XKR6: variants seen among roughly 807,000 people sequenced by gnomAD.
XKR6 encodes XK related 6.
In XKR6, 22 loss-of-function variants were observed where a neutral mutation model predicts 56.7. That is an observed-to-expected ratio of 0.39 (90% CI 0.28 to 0.55). The LOEUF (loss-of-function observed/expected upper bound fraction) is 0.55, where lower values mean the gene tolerates loss of function less well. XKR6 is among the 20% of genes least tolerant of loss of function. The pLI is 0.66. For missense variants in XKR6, 852 were observed against 889.0 expected, an observed-to-expected ratio of 0.96 and a Z score of 0.53; for synonymous variants, 524 against 387.8, an observed-to-expected ratio of 1.35 and a Z score of -4.13.
At chr8:11,171,331 C>T (rs17152963) in intron 1 of XKR6, among the ~76,000 whole-genome samples, 4 of 152,240 alleles carry the variant, frequency 2.6e-5, no homozygotes, top group African/African-American at 9.6e-5. Flanking sequence ...AATATCCTGT[C>T]GTCTACTTAA....
chr8:11,127,005 A>G (rs1799835626), intron 1 of XKR6, among the ~76,000 whole-genome samples: 1 of 152,230 alleles, frequency 6.6e-6, no homozygotes, highest in African/African-American at 2.4e-5. Context: ...CATCTAACAT[A>G]TATTTAACAA....
intron 1 of XKR6, among the ~76,000 whole-genome samples, chr8:11,024,917 C>T (rs1424361024): frequency 6.6e-6 from 1 of 152,224 alleles, no homozygotes; most frequent in Admixed American, 6.5e-5. Flanking sequence ...TGTGACTGGC[C>T]TGGCCACACA....
At chr8:11,005,120 C>A (rs916781365) in intron 1 of XKR6, among the ~76,000 whole-genome samples, 19 of 152,110 alleles carry the variant, frequency 1.2e-4, no homozygotes, top group Non-Finnish European at 1.6e-4. Context: ...GTTTTTTTCT[C>A]ATACAGTCAC....
Position 11,200,250 on chromosome 8 carries a change from G to T in XKR6, c.764+326C>A, listed in dbSNP as rs1804132314. Among the ~76,000 whole-genome samples, 1 of 152,210 alleles carries T rather than the reference G, an allele frequency of 6.6e-6. No individual in the cohort carries two copies. The highest frequency in any genetic ancestry group is 2.1e-4 in the South Asian group (1 of 4,832). ...GTGCAGCCCAGGGCGCCCGCAGCTGGTTACCTCGGGAGGCAGGGAAAAGGG... is the reference window on the plus strand; with the variant it reads ...GTGCAGCCCAGGGCGCCCGCAGCTGTTTACCTCGGGAGGCAGGGAAAAGGG... On this transcript the variant is annotated intron_variant, in intron 1 of 2. Transcript: ENST00000416569. This position sits in a 1 kb window ranked among gnomAD's most constrained non-coding sequence, Gnocchi z 6.4.
chr8:10,961,020 G>C lies in XKR6; in HGVS notation c.765-36190C>G, dbSNP rs112783766. Among the ~76,000 whole-genome samples the C allele has an allele frequency of 2.7e-3, 405 of 152,278 alleles. 1 individual carries two copies. The highest frequency in any genetic ancestry group is 0.017 in the South Asian group (83 of 4,824). ...CTGAACACTGAGTGAGGAGGAACCA[G>C]CCAGGCAAAGATCGAGGGGCAGAGG... On this transcript the variant is annotated intron_variant, in intron 1 of 2. Transcript: ENST00000416569.
At chr8:10,975,978 T>C (rs556068091) in intron 1 of XKR6, among the ~76,000 whole-genome samples, 1 of 151,954 alleles carries the variant, frequency 6.6e-6, no homozygotes, top group Admixed American at 6.5e-5. Flanking sequence ...ATCGAGACCA[T>C]ACTGGCTAAC....
intron 1 of XKR6, among the ~76,000 whole-genome samples, chr8:11,056,112 C>T (rs1799678144): frequency 6.6e-6 from 1 of 152,144 alleles, no homozygotes; most frequent in African/African-American, 2.4e-5. Flanking sequence ...TCCTCCTGGA[C>T]CCAGTGCTGC....
chr8:10,950,097 A>G (rs1228003834), intron 1 of XKR6, among the ~76,000 whole-genome samples: 1 of 152,128 alleles, frequency 6.6e-6, no homozygotes, highest in East Asian at 1.9e-4. Context: ...GGCAGGATGG[A>G]TGGAAGCAGG....
At chr8:11,001,019 C>G (rs1285970157) in intron 1 of XKR6, among the ~76,000 whole-genome samples, 1 of 152,236 alleles carries the variant, frequency 6.6e-6, no homozygotes, top group African/African-American at 2.4e-5. Flanking sequence ...CCACCCCCAA[C>G]TGAAACAAAC....
rs745616432 is a variant in XKR6, at chr8:10,911,199, C to CGTGTGTGT, written c.962-12291_962-12284dup. On this transcript the variant is annotated intron_variant, in intron 2 of 2. Transcript: ENST00000416569. ...TATATACATATAGAGAGAGGGTGTGCGTGTGTGTGTGTGTGTGTGTGTGTG... is the reference window on the plus strand; with the variant it reads ...TATATACATATAGAGAGAGGGTGTGCGTGTGTGTGTGTGTGTGTGTGTGTGTGTGTGTG... 7.0e-3 allele frequency among the ~76,000 whole-genome samples: 886 copies of CGTGTGTGT among 126,302 alleles called. 13 individuals carry two copies. The highest frequency in any genetic ancestry group is 0.023 in the African/African-American group (777 of 33,160). The allele number at this position is 126,302 out of a possible 152,430, so 82.9% of individuals were successfully genotyped here. A position where few individuals can be genotyped will look rare whatever the true frequency, so the allele number is the denominator to read the frequency against.
intron 1 of XKR6, among the ~76,000 whole-genome samples, chr8:10,946,105 C>G (rs1384392702): frequency 6.6e-6 from 1 of 152,056 alleles, no homozygotes; most frequent in Non-Finnish European, 1.5e-5. Flanking sequence ...CAAATTAGAG[C>G]TAAAGACCTC....
intron 1 of XKR6, among the ~76,000 whole-genome samples, chr8:11,057,967 TTG>T (rs1385013768): frequency 6.6e-6 from 1 of 152,230 alleles, no homozygotes; most frequent in Non-Finnish European, 1.5e-5. Flanking sequence ...TTGAAAATCA[TTG>T]TGTCTGTGTC....
intron 2 of XKR6, among the ~76,000 whole-genome samples, chr8:10,912,423 A>G (rs1158777997): frequency 2.2e-5 from 3 of 134,658 alleles, no homozygotes; most frequent in Non-Finnish European, 4.7e-5. Flanking sequence ...GTGAGCATAT[A>G]TATATGAGAG....
intron 1 of XKR6, among the ~76,000 whole-genome samples, chr8:10,968,049 AC>A (rs953985307): frequency 1.8e-4 from 27 of 152,078 alleles, no homozygotes; most frequent in Middle Eastern, 3.4e-3. Context: ...GCCCTGCAGC[AC>A]CCCCCAGCCT....
At chr8:10,999,202 G>T (rs1448436296) in intron 1 of XKR6, among the ~76,000 whole-genome samples, 5 of 152,138 alleles carry the variant, frequency 3.3e-5, no homozygotes, top group Non-Finnish European at 7.4e-5. Flanking sequence ...CTCAATCGTG[G>T]GATTATTTAT....
At chr8:11,119,360 G>T (rs776211492) in intron 1 of XKR6, among the ~76,000 whole-genome samples, 130 of 152,116 alleles carry the variant, frequency 8.5e-4, no homozygotes, top group Non-Finnish European at 1.5e-3. Context: ...TTCCTGGATA[G>T]CCTTGTTAAC....
At chr8:11,160,405 A>G (rs907867351) in intron 1 of XKR6, among the ~76,000 whole-genome samples, 2 of 152,156 alleles carry the variant, frequency 1.3e-5, no homozygotes, top group Admixed American at 6.5e-5. Flanking sequence ...AAAAAAAGGA[A>G]TAATGATGGG....
At chr8:11,170,483 T>C (rs570980920) in intron 1 of XKR6, among the ~76,000 whole-genome samples, 1 of 152,304 alleles carries the variant, frequency 6.6e-6, no homozygotes, top group South Asian at 2.1e-4. Flanking sequence ...ATTAATGAAA[T>C]GTCCAGACTA....
intron 1 of XKR6, chr8:11,113,985 G>A (rs962756675): frequency 1.4e-5 from 5 of 365,144 alleles, no homozygotes; most frequent in Admixed American, 4.1e-5. Context: ...TTTACCATGC[G>A]GGCTGAAGTG....
Sources: allele counts gnomAD v4.1 joint callset (sites outside exome capture counted in the v4.1 genomes callset), GRCh38; gene constraint gnomAD v4.1.1; non-coding constraint Gnocchi (gnomAD v3.1); transcripts MANE v1.5; gene names NCBI Gene and HGNC (gene_info 2026-07-23, HGNC 2026-07-21).